Variants in EML5 observed in about 807,000 individuals in gnomAD.
EML5 encodes echinoderm microtubule-associated protein-like 5.
In EML5, 120 loss-of-function variants were observed where a neutral mutation model predicts 250.0. The observed-to-expected ratio is 0.48, with a 90% CI of 0.41 to 0.56. EML5 has a LOEUF of 0.56. Among genes scored for constraint, EML5 ranks in the 20% least tolerant of loss-of-function variants. The pLI, the probability that EML5 is intolerant of heterozygous loss-of-function variation, is 0.00. For synonymous variants in EML5, 771 were observed against 806.5 expected, an observed-to-expected ratio of 0.96 and a Z score of 0.75; for missense variants, 2,006 against 2,437.6, an observed-to-expected ratio of 0.82 and a Z score of 3.73.
rs558324659 is a variant in EML5, at chr14:88,731,315, C to T, written c.1050-4637G>A. Among the ~76,000 whole-genome samples the T allele has an allele frequency of 9.1e-4, 75 of 82,068 alleles. 2 individuals carry two copies. Among genetic ancestry groups the T allele is most frequent in the African/African-American group, 6.7e-3 (70 of 10,512 alleles). 53.8% of individuals were successfully genotyped at this position (82,068 alleles called of 152,430 possible). On this transcript the variant is annotated intron_variant, in intron 7 of 43. Transcript: ENST00000554922. Reference sequence around the variant, plus strand: ...ATTCCCACCTATGAGTGAGAACATGCAGTGTTTGGTTTTTGTCCTTGCGAT... The same window carrying T: ...ATTCCCACCTATGAGTGAGAACATGTAGTGTTTGGTTTTTGTCCTTGCGAT...
chr14:88,666,629 A>C lies in EML5; in HGVS notation c.3125-1140T>G, dbSNP rs186160742. Among the ~76,000 whole-genome samples, 92 of 149,226 alleles carry C rather than the reference A, an allele frequency of 6.2e-4. 1 individual carries two copies. In the East Asian group the frequency reaches 0.016, roughly 25 times the overall value. ...GAACCATATATGAAATGATATTTTT[A>C]TTATTAATGATAAATTAATATCGTT... On this transcript the variant is annotated intron_variant, in intron 21 of 43. Coordinates refer to ENST00000554922, the MANE Select transcript of EML5 (RefSeq NM_183387.3).
intron 9 of EML5, among the ~76,000 whole-genome samples, chr14:88,713,815 TTATTAA>T (rs2093445109): frequency 6.7e-6 from 1 of 149,890 alleles, no homozygotes; most frequent in Admixed American, 6.8e-5. Context: ...GTTAGTTATA[TTATTAA>T]TATTTGCAAA....
intron 17 of EML5, among the ~76,000 whole-genome samples, chr14:88,690,687 A>C (rs1028198419): frequency 9.2e-5 from 14 of 152,222 alleles, no homozygotes; most frequent in Admixed American, 8.5e-4. Flanking sequence ...GTTTTGTGTC[A>C]CTTATTTAAG....
chr14:88,675,066 C>G (rs886578573), intron 21 of EML5, among the ~76,000 whole-genome samples: 1 of 152,214 alleles, frequency 6.6e-6, no homozygotes, highest in African/African-American at 2.4e-5. Context: ...GCTGCTTTCA[C>G]AGGCTGGCAT....
chr14:88,741,083 A>C (rs896867674), intron 4 of EML5, among the ~76,000 whole-genome samples: 10 of 152,114 alleles, frequency 6.6e-5, no homozygotes, highest in African/African-American at 2.2e-4. Context: ...GAATCGCTTG[A>C]TATCAAGAGG....
At chr14:88,767,790 A>G (rs995354063) in intron 1 of EML5, among the ~76,000 whole-genome samples, 1 of 152,240 alleles carries the variant, frequency 6.6e-6, no homozygotes, top group Non-Finnish European at 1.5e-5. Context: ...ACTTCATTAC[A>G]ATATAAACAT....
At chr14:88,653,921 CT>C (rs200518597) in intron 27 of EML5, among the ~76,000 whole-genome samples, 3 of 151,574 alleles carry the variant, frequency 2.0e-5, no homozygotes, top group African/African-American at 7.3e-5. Context: ...TCCATCTGGG[CT>C]TTTTTTTGGT....
chr14:88,692,755 A>G (rs767790637), intron 17 of EML5, among the ~76,000 whole-genome samples: 3 of 152,228 alleles, frequency 2.0e-5, no homozygotes, highest in Non-Finnish European at 4.4e-5. Flanking sequence ...ATGTAAAAAT[A>G]CTTCTTTTTA....
In EML5 at chr14:88,615,841, T is replaced by C. The variant is rs761443862; in HGVS notation, c.5911A>G (p.Lys1971Glu). The C allele has an allele frequency of 2.5e-6, 4 of 1,611,786 alleles. No individual in the cohort carries two copies. Among genetic ancestry groups the C allele is most frequent in the Non-Finnish European group, 3.4e-6 (4 of 1,179,060 alleles). Residue 1971 changes from lysine (K) to glutamate (E), a missense_variant, in exon 44 of 44, where the codon AAA becomes GAA. By Grantham distance (56) the Lys-to-Glu change is moderately conservative. Around this residue, in one of 7 missense-constraint regions of EML5, gnomAD observed 56 missense variants for 55.1 expected, o/e 1.02. Coordinates refer to ENST00000554922, the MANE Select transcript of EML5 (RefSeq NM_183387.3). ...GGDDCSLFVW[K>E]CVHTPH ...TCTCAGTGAGGTGTATGTACACATT[T>C]CCAGACAAATAAGCTGCAATCAGAG...
At chr14:88,777,698 C>T (rs1595867035) in intron 1 of EML5, among the ~76,000 whole-genome samples, 1 of 152,152 alleles carries the variant, frequency 6.6e-6, no homozygotes, top group Non-Finnish European at 1.5e-5. Flanking sequence ...GAGGATGGGC[C>T]GGGCACAGTG....
chr14:88,750,486 A>T (rs2094076580), intron 2 of EML5, among the ~76,000 whole-genome samples: 2 of 152,164 alleles, frequency 1.3e-5, no homozygotes, highest in African/African-American at 4.8e-5. Flanking sequence ...TGTACTACTT[A>T]AAGGAGTTAG....
chr14:88,660,587 A>C (rs1324221484), intron 25 of EML5, among the ~76,000 whole-genome samples: 1 of 151,652 alleles, frequency 6.6e-6, no homozygotes, highest in East Asian at 1.9e-4. Flanking sequence ...CTAAAAATAC[A>C]AAAAAATTAG....
chr14:88,691,578 T>C (rs562526245), intron 17 of EML5, among the ~76,000 whole-genome samples: 3 of 152,256 alleles, frequency 2.0e-5, no homozygotes, highest in South Asian at 2.1e-4. Flanking sequence ...GTCCCTACCA[T>C]GAATAGAGTT....
At chr14:88,653,280 C>T (rs1030422492) in intron 27 of EML5, among the ~76,000 whole-genome samples, 2 of 152,064 alleles carry the variant, frequency 1.3e-5, no homozygotes, top group Middle Eastern at 3.2e-3. Context: ...ATTTGAATAC[C>T]ATTTATTTCT....
chr14:88,727,072 C>A (rs929480329), intron 7 of EML5, among the ~76,000 whole-genome samples: 1 of 151,598 alleles, frequency 6.6e-6, no homozygotes, highest in Non-Finnish European at 1.5e-5. Context: ...GTTTTGGTAT[C>A]CTTTTAGCAC....
At chr14:88,616,051 G>A in intron 43 of EML5, 91 bp downstream of exon 43, 1 of 1,315,224 alleles carries the variant, frequency 7.6e-7, no homozygotes, top group Non-Finnish European at 1.1e-6. Flanking sequence ...TTGACTAGCT[G>A]ATTTCATAAA....
chr14:88,715,746 C>G (rs968686397), intron 8 of EML5, among the ~76,000 whole-genome samples: 1 of 151,704 alleles, frequency 6.6e-6, no homozygotes, highest in Non-Finnish European at 1.5e-5. Context: ...CAACCTCCAC[C>G]TCTGGGGATC....
intron 1 of EML5, among the ~76,000 whole-genome samples, chr14:88,755,135 T>C (rs1010738107): frequency 6.6e-6 from 1 of 152,196 alleles, no homozygotes; most frequent in African/African-American, 2.4e-5. Context: ...ATAGCTTCTA[T>C]AAAAATCCAT....
intron 15 of EML5, among the ~76,000 whole-genome samples, chr14:88,696,281 G>T (rs1047556325): frequency 6.6e-6 from 1 of 151,888 alleles, no homozygotes; most frequent in Non-Finnish European, 1.5e-5. Context: ...CTCTATTAAT[G>T]TATTTCCTCC....
Sources: allele counts gnomAD v4.1 joint callset (sites outside exome capture counted in the v4.1 genomes callset), GRCh38; gene constraint gnomAD v4.1.1; regional missense constraint gnomAD v4.1.1; transcripts MANE v1.5; gene names NCBI Gene and HGNC (gene_info 2026-07-23, HGNC 2026-07-21).